DNAH9: variants seen among roughly 807,000 people sequenced by gnomAD.
The protein encoded by DNAH9 is dynein axonemal heavy chain 9.
In DNAH9, 345 loss-of-function variants were observed where a neutral mutation model predicts 471.6. The ratio of observed to expected loss-of-function variants is 0.73; its 90% CI spans 0.67 to 0.80. The LOEUF (loss-of-function observed/expected upper bound fraction) is 0.80, where lower values mean the gene tolerates loss of function less well. DNAH9 is among the 30% of genes least tolerant of loss of function. The pLI is 0.00. For missense variants in DNAH9, 5,407 were observed against 5,609.2 expected (o/e 0.96, Z 1.15); for synonymous variants, 2,093 against 2,123.6 (o/e 0.99, Z 0.40).
At position 11,689,868 on chromosome 17, in the gene DNAH9, A is replaced by C; in HGVS notation, c.4046A>C (p.Glu1349Ala). 1 of 1,610,142 alleles carries C rather than the reference A, an allele frequency of 6.2e-7. No homozygotes were observed. The highest frequency in any genetic ancestry group is 8.5e-7 in the Non-Finnish European group (1 of 1,177,832). The change falls in exon 20 of 69, where the codon GAG (glutamate) becomes GCG (alanine). Residue 1349 changes from glutamate to alanine, a missense_variant. Glu to Ala is a moderately radical substitution (Grantham distance 107). This residue lies in a region of DNAH9 where 4,636 missense variants were observed against 4,900.3 expected (regional missense o/e 0.95). Coordinates refer to ENST00000262442, the MANE Select transcript of DNAH9 (RefSeq NM_001372.4). ...CGGCATATCCGAAACCTGGACAAGGAGGTCAGGGCCTGGGATGCATTCACA... is the reference window on the plus strand; with the variant it reads ...CGGCATATCCGAAACCTGGACAAGGCGGTCAGGGCCTGGGATGCATTCACA... Reference protein sequence around the residue: ...FARHIRNLDKEVRAWDAFTGL... With the variant: ...FARHIRNLDKAVRAWDAFTGL...
intron 51 of DNAH9, 80 bp from the exon 52 acceptor site, chr17:11,871,518 G>A: frequency 7.7e-7 from 1 of 1,298,286 alleles, no homozygotes; most frequent in Non-Finnish European, 1.1e-6. Context: ...CGTGCAGCGG[G>A]CGCTCTCCAT....
At chr17:11,606,429 CTTTCTTTTCTTTTCT>C (rs1251023118) in intron 1 of DNAH9, among the ~76,000 whole-genome samples, 2 of 121,234 alleles carry the variant, frequency 1.6e-5, no homozygotes, top group African/African-American at 6.2e-5. Context: ...TGACAACTTT[CTTTCTTTTCTTTTCT>C]TTTCTTTTCT....
intron 38 of DNAH9, among the ~76,000 whole-genome samples, chr17:11,774,099 G>GCT (rs1968326909): frequency 6.6e-6 from 1 of 152,246 alleles, no homozygotes; most frequent in African/African-American, 2.4e-5. Flanking sequence ...TCACATCACT[G>GCT]CTCTCCAGCC....
At chr17:11,685,579 A>G (rs531666330) in intron 19 of DNAH9, among the ~76,000 whole-genome samples, 1 of 152,272 alleles carries the variant, frequency 6.6e-6, no homozygotes, top group South Asian at 2.1e-4. Flanking sequence ...GATCAGAAGC[A>G]GTGGCAGAGA....
chr17:11,781,553 G>T (rs896537821), intron 39 of DNAH9, among the ~76,000 whole-genome samples: 1 of 152,262 alleles, frequency 6.6e-6, no homozygotes, highest in Admixed American at 6.5e-5. Flanking sequence ...CCTAACACAC[G>T]CCAGGTGCAG....
chr17:11,875,892 G>C (rs563117076), intron 53 of DNAH9: 1 of 152,366 alleles, frequency 6.6e-6, no homozygotes, highest in African/African-American at 2.4e-5. Flanking sequence ...TGGGGAAACA[G>C]GATGGGGCAA....
intron 9 of DNAH9, among the ~76,000 whole-genome samples, chr17:11,637,679 A>G (rs185822218): frequency 3.4e-4 from 52 of 152,318 alleles, no homozygotes; most frequent in African/African-American, 1.2e-3. Context: ...GGTGCTCAAT[A>G]AGTCGTTATT....
chr17:11,832,893 A>G (rs1970724067), intron 48 of DNAH9, among the ~76,000 whole-genome samples: 1 of 152,208 alleles, frequency 6.6e-6, no homozygotes, highest in East Asian at 1.9e-4. Context: ...CTAGAAATAA[A>G]TAGGTCTGTG....
intron 41 of DNAH9, among the ~76,000 whole-genome samples, chr17:11,792,319 G>T: frequency 6.6e-6 from 1 of 152,272 alleles, no homozygotes; most frequent in African/African-American, 2.4e-5. Context: ...TAGTAATGTT[G>T]TCACCAGACT....
chr17:11,669,245 C>A lies in DNAH9; in HGVS notation c.2913C>A (p.Gly971=). ...TGCCACGGCTTTCCCCACAAAATGGCTCTCCTCACTATCAGGTACTGGAGC... is the reference window on the plus strand; with the variant it reads ...TGCCACGGCTTTCCCCACAAAATGGATCTCCTCACTATCAGGTACTGGAGC... ...SLVPRLSPQN[G]SPHYQVDLDG... is the part of the protein sequence containing the mutation. Residue 971 remains glycine, a synonymous_variant, in exon 16 of 69, where the codon GGC becomes GGA. Transcript: ENST00000262442. 6.2e-7 allele frequency: 1 copy of A among 1,613,308 alleles called. No homozygotes were observed. The highest frequency in any genetic ancestry group is 8.5e-7 in the Non-Finnish European group (1 of 1,179,518).
chr17:11,806,673 T>C lies in DNAH9; in HGVS notation c.8421-1059T>C, dbSNP rs202134775. On this transcript the variant is annotated intron_variant, in intron 43 of 68. Transcript: ENST00000262442. ...TTCAGGTACAAACAATGTATGTACA[T>C]ATATATTTATAAAAATGCAGACAAA... Among the ~76,000 whole-genome samples the C allele has an allele frequency of 4.5e-5, 5 of 110,664 alleles. No individual in the cohort carries two copies. The East Asian group carries it at 7.3e-4, about 16-fold the overall frequency. The allele number at this position is 110,664 out of a possible 152,430, so 72.6% of individuals were successfully genotyped here. A position where few individuals can be genotyped will look rare whatever the true frequency, so the allele number is the denominator to read the frequency against.
intron 14 of DNAH9, among the ~76,000 whole-genome samples, chr17:11,657,072 T>A (rs1490288729): frequency 1.3e-5 from 2 of 152,142 alleles, no homozygotes; most frequent in African/African-American, 4.8e-5. Flanking sequence ...CATGGACATA[T>A]GTTTTCATTT....
intron 17 of DNAH9, among the ~76,000 whole-genome samples, chr17:11,672,536 C>T (rs1007468793): frequency 1.1e-4 from 16 of 152,170 alleles, no homozygotes; most frequent in African/African-American, 3.6e-4. Flanking sequence ...GCTCTGCTGA[C>T]GTGAATTCTC....
At chr17:11,690,695 A>C (rs1033227723) in intron 20 of DNAH9, among the ~76,000 whole-genome samples, 1 of 152,092 alleles carries the variant, frequency 6.6e-6, no homozygotes, top group East Asian at 1.9e-4. Flanking sequence ...AGAAAAAAAA[A>C]AATGTATATA....
intron 26 of DNAH9, among the ~76,000 whole-genome samples, chr17:11,712,060 AT>A (rs2074864118): frequency 3.0e-4 from 1 of 3,304 alleles, no homozygotes; most frequent in Admixed American, 0.014. Context: ...ATAAATATAT[AT>A]ATTTGTATAT....
chr17:11,953,398 C>G (rs1975478751), intron 67 of DNAH9, among the ~76,000 whole-genome samples: 1 of 152,188 alleles, frequency 6.6e-6, no homozygotes. Context: ...CCTTATCACT[C>G]TCATTCACCT....
intron 68 of DNAH9, 22 bp from the exon 69 acceptor site, chr17:11,969,278 T>TC (rs758380612): frequency 1.6e-5 from 26 of 1,609,732 alleles, no homozygotes; most frequent in Non-Finnish European, 2.2e-5. Flanking sequence ...CTAAGGTGCC[T>TC]CTTCTCATGT....
chr17:11,709,401 G>GA (rs1421515971), intron 26 of DNAH9, among the ~76,000 whole-genome samples: 2 of 152,044 alleles, frequency 1.3e-5, no homozygotes, highest in East Asian at 1.9e-4. Context: ...TTTTTGCACA[G>GA]AAAAAAATTG....
intron 61 of DNAH9, among the ~76,000 whole-genome samples, chr17:11,914,202 TTTTTGTAGC>T (rs1223739921): frequency 6.6e-6 from 1 of 152,206 alleles, no homozygotes; most frequent in Non-Finnish European, 1.5e-5. Context: ...GTGATGATAA[TTTTTGTAGC>T]TTTTAGTTTT....
Sources: gnomAD v4.1 joint callset for allele counts (sites outside exome capture counted in the v4.1 genomes callset) on GRCh38, gnomAD v4.1.1 for gene constraint, gnomAD v4.1.1 regional missense constraint, MANE v1.5 for transcripts, NCBI Gene and HGNC (gene_info 2026-07-23, HGNC 2026-07-21) for gene names.